The following ARHGAP22 variants were observed in gnomAD, a reference collection of about 807,000 sequenced individuals.
ARHGAP22 encodes the protein Rho GTPase activating protein 22, also known as rho GTPase-activating protein 22.
ARHGAP22 carries 48 observed loss-of-function variants against 59.1 expected under a neutral mutation model. The ratio of observed to expected loss-of-function variants is 0.81; its 90% CI spans 0.64 to 1.03. The LOEUF (loss-of-function observed/expected upper bound fraction) is 1.03, where lower values mean the gene tolerates loss of function less well. Among genes scored for constraint, ARHGAP22 ranks in the 50% least tolerant of loss-of-function variants. The pLI, the probability that ARHGAP22 is intolerant of heterozygous loss-of-function variation, is 0.00. For synonymous variants in ARHGAP22, 445 were observed against 416.4 expected (o/e 1.07, Z -0.84); for missense variants, 1,015 against 958.7 (o/e 1.06, Z -0.78).
At chr10:48,616,280 C>T (rs190470109) in intron 1 of ARHGAP22, among the ~76,000 whole-genome samples, 4 of 152,122 alleles carry the variant, frequency 2.6e-5, no homozygotes, top group East Asian at 1.9e-4. Flanking sequence ...CCATTTGCAC[C>T]GGGAAACCAA....
chr10:48,479,624 T>A lies in ARHGAP22; in HGVS notation c.451+12A>T. On this transcript the variant is annotated intron_variant, in intron 4 of 9. Coordinates refer to ENST00000249601, the MANE Select transcript of ARHGAP22 (RefSeq NM_021226.4). ...GGTTCTAGAGGGTGGGCATGCGATC[T>A]ACGGGCAGTACCTCCGCCCAGCGGG... 3 of 1,613,926 alleles carry A rather than the reference T, an allele frequency of 1.9e-6. No individual in the cohort carries two copies. The highest frequency in any genetic ancestry group is 2.5e-6 in the Non-Finnish European group (3 of 1,179,976).
chr10:48,564,761 C>T (rs1308568262), intron 2 of ARHGAP22, among the ~76,000 whole-genome samples: 1 of 152,218 alleles, frequency 6.6e-6, no homozygotes, highest in East Asian at 1.9e-4. Flanking sequence ...CTTCTGCAAG[C>T]ATTTAGGGTG....
intron 4 of ARHGAP22, among the ~76,000 whole-genome samples, chr10:48,467,743 G>C (rs918195469): frequency 4.6e-5 from 7 of 152,176 alleles, no homozygotes; most frequent in Non-Finnish European, 2.9e-5. Context: ...CTAGAGCTAA[G>C]CAGCCTGGGT....
chr10:48,439,728 C>T, the ARHGAP22 span, among the ~76,000 whole-genome samples: 1 of 152,172 alleles, frequency 6.6e-6, no homozygotes, highest in Non-Finnish European at 1.5e-5. Context: ...CTGTTTCCAA[C>T]TTTTGCCATG....
intron 4 of ARHGAP22, among the ~76,000 whole-genome samples, chr10:48,464,086 T>C (rs2047416330): frequency 6.6e-6 from 1 of 152,182 alleles, no homozygotes; most frequent in Non-Finnish European, 1.5e-5. Flanking sequence ...CACCTTTCCA[T>C]AACCCCTATA....
chr10:48,490,165 G>A (rs2050244428), intron 3 of ARHGAP22, among the ~76,000 whole-genome samples: 1 of 152,114 alleles, frequency 6.6e-6, no homozygotes, highest in Non-Finnish European at 1.5e-5. Flanking sequence ...AAACCAAAGG[G>A]ACCCACCTCA....
chr10:48,468,167 A>G (rs1410703723), intron 4 of ARHGAP22, among the ~76,000 whole-genome samples: 4 of 152,150 alleles, frequency 2.6e-5, no homozygotes, highest in Non-Finnish European at 1.5e-5. Flanking sequence ...ATCCCACCAC[A>G]TTCCTGCCTT....
chr10:48,452,436 G>A (rs937294549), intron 8 of ARHGAP22, among the ~76,000 whole-genome samples: 1 of 152,206 alleles, frequency 6.6e-6, no homozygotes, highest in Non-Finnish European at 1.5e-5. Flanking sequence ...GTACCACCAG[G>A]CAGGTAGGAG....
intron 1 of ARHGAP22, among the ~76,000 whole-genome samples, chr10:48,633,379 T>C (rs1045880497): frequency 4.6e-5 from 7 of 152,218 alleles, no homozygotes; most frequent in African/African-American, 1.7e-4. Context: ...ATCATATCAC[T>C]TGGTTTTCAA....
At chr10:48,508,490 C>T (rs2052393038) in intron 3 of ARHGAP22, among the ~76,000 whole-genome samples, 1 of 152,260 alleles carries the variant, frequency 6.6e-6, no homozygotes, top group Non-Finnish European at 1.5e-5. Flanking sequence ...ACTGTGAGGC[C>T]CACTGCAGGC....
chr10:48,615,923 G>A (rs536034064), intron 1 of ARHGAP22, among the ~76,000 whole-genome samples: 1 of 149,894 alleles, frequency 6.7e-6, no homozygotes, highest in South Asian at 2.1e-4. Context: ...ATGTGAAGAA[G>A]GTCAAATGAA....
At chr10:48,485,875 C>T (rs2049804808) in intron 3 of ARHGAP22, among the ~76,000 whole-genome samples, 1 of 152,082 alleles carries the variant, frequency 6.6e-6, no homozygotes, top group South Asian at 2.1e-4. Flanking sequence ...TTATTTGTGT[C>T]TTTACATTTT....
At chr10:48,650,322 G>A (rs560473187) in intron 1 of ARHGAP22, among the ~76,000 whole-genome samples, 2 of 152,212 alleles carry the variant, frequency 1.3e-5, no homozygotes, top group East Asian at 1.9e-4. Flanking sequence ...AGCCAGACAC[G>A]AGGCTTCATA....
chr10:48,526,251 A>G (rs1488257057), intron 3 of ARHGAP22, among the ~76,000 whole-genome samples: 4 of 152,212 alleles, frequency 2.6e-5, no homozygotes, highest in Non-Finnish European at 5.9e-5. Context: ...AATGACTTAG[A>G]GCAGGGAAGA....
At chr10:48,655,008 C>CTT (rs1554967984), upstream of ARHGAP22, among the ~76,000 whole-genome samples, 1 of 76,544 alleles carries the variant, frequency 1.3e-5, no homozygotes, top group African/African-American at 5.3e-5. Context: ...CTCTTTCTTT[C>CTT]TCTTTCTTTC....
chr10:48,563,949 G>C (rs1276055167), intron 2 of ARHGAP22, among the ~76,000 whole-genome samples: 1 of 152,094 alleles, frequency 6.6e-6, no homozygotes, highest in Non-Finnish European at 1.5e-5. Context: ...TGTTAACAAG[G>C]AATTAATAGA....
At chr10:48,438,073 CACA>C in the ARHGAP22 span, 2 of 152,232 alleles carry the variant, frequency 1.3e-5, no homozygotes, top group African/African-American at 4.8e-5. Context: ...CATTCGCCTG[CACA>C]ACATTTTGAG....
intron 1 of ARHGAP22, among the ~76,000 whole-genome samples, chr10:48,631,479 T>C (rs540353198): frequency 6.6e-6 from 1 of 152,356 alleles, no homozygotes; most frequent in East Asian, 1.9e-4. Flanking sequence ...ACTTCTTTAA[T>C]AGTTATAAGC....
At chr10:48,619,239 T>A (rs1275208594) in intron 1 of ARHGAP22, among the ~76,000 whole-genome samples, 1 of 152,038 alleles carries the variant, frequency 6.6e-6, no homozygotes. Flanking sequence ...TGAACTGAAA[T>A]AATTAATATT....
Sources: gnomAD v4.1 joint callset for allele counts (sites outside exome capture counted in the v4.1 genomes callset) on GRCh38, gnomAD v4.1.1 for gene constraint, MANE v1.5 for transcripts, NCBI Gene and HGNC (gene_info 2026-07-23, HGNC 2026-07-21) for gene names.